The following PRIM2 variants were observed in gnomAD, a reference collection of about 807,000 sequenced individuals.
PRIM2 encodes the protein DNA primase large subunit.
In PRIM2, 39 loss-of-function variants were observed where a neutral mutation model predicts 67.3. The ratio of observed to expected loss-of-function variants is 0.58; its 90% CI spans 0.45 to 0.76. PRIM2 has a LOEUF of 0.76. PRIM2 is among the 30% of genes least tolerant of loss of function. The pLI, the probability that PRIM2 is intolerant of heterozygous loss-of-function variation, is 0.00. For missense variants in PRIM2, 398 were observed against 598.7 expected, an observed-to-expected ratio of 0.66 and a Z score of 3.50; for synonymous variants, 143 against 198.7, an observed-to-expected ratio of 0.72 and a Z score of 2.36.
intron 7 of PRIM2, among the ~76,000 whole-genome samples, chr6:57,421,088 A>C (rs1356441633): frequency 6.6e-6 from 1 of 152,174 alleles, no homozygotes; most frequent in Non-Finnish European, 1.5e-5. Flanking sequence ...ATGGAAGAGC[A>C]CTCAGAGAAG....
chr6:57,583,710 C>A (rs1776140072), intron 10 of PRIM2, among the ~76,000 whole-genome samples: 2 of 152,220 alleles, frequency 1.3e-5, no homozygotes, highest in African/African-American at 4.8e-5. Flanking sequence ...ATGGCTGGGT[C>A]AAATGGTATT....
intron 9 of PRIM2, among the ~76,000 whole-genome samples, chr6:57,534,424 C>T (rs1774957453): frequency 6.6e-6 from 1 of 152,090 alleles, no homozygotes. Context: ...ATAATTTATC[C>T]CCTATCCTGG....
At chr6:57,326,819 T>G (rs528444080) in intron 5 of PRIM2, among the ~76,000 whole-genome samples, 1 of 152,114 alleles carries the variant, frequency 6.6e-6, no homozygotes, top group African/African-American at 2.4e-5. Flanking sequence ...ATTTACATAT[T>G]GTAATTATAT....
intron 5 of PRIM2, among the ~76,000 whole-genome samples, chr6:57,331,592 T>A (rs1768060304): frequency 6.6e-6 from 1 of 152,240 alleles, no homozygotes; most frequent in South Asian, 2.1e-4. Context: ...TGAATCTATT[T>A]AAGTTTTATA....
the PRIM2 span, among the ~76,000 whole-genome samples, chr6:57,263,343 A>G: frequency 6.6e-6 from 1 of 152,184 alleles, no homozygotes; most frequent in African/African-American, 2.4e-5. Context: ...ACATTGATAG[A>G]GCCATCCTCT....
chr6:57,369,998 A>G (rs939449585), intron 5 of PRIM2, among the ~76,000 whole-genome samples: 3 of 152,228 alleles, frequency 2.0e-5, no homozygotes, highest in African/African-American at 7.2e-5. Context: ...TTTAATCCCA[A>G]GAAAAGCTAC....
chr6:57,285,574 G>A, the PRIM2 span, among the ~76,000 whole-genome samples: 16 of 152,046 alleles, frequency 1.1e-4, no homozygotes, highest in East Asian at 5.8e-4. Flanking sequence ...ATTCAACAAC[G>A]CTTTTTCCTA....
chr6:57,383,449 A>T (rs978660224), intron 7 of PRIM2: 1 of 152,090 alleles, frequency 6.6e-6, no homozygotes, highest in African/African-American at 2.4e-5. Flanking sequence ...TGGCATGTTA[A>T]TGCTACTATT....
intron 10 of PRIM2, among the ~76,000 whole-genome samples, chr6:57,568,748 G>A (rs1775798548): frequency 1.3e-5 from 2 of 152,190 alleles, no homozygotes; most frequent in African/African-American, 4.8e-5. Flanking sequence ...CTTAAAGGGG[G>A]TGTGCCTGTC....
At chr6:57,504,422 T>A (rs2127458731) in intron 7 of PRIM2, among the ~76,000 whole-genome samples, 2 of 152,298 alleles carry the variant, frequency 1.3e-5, no homozygotes, top group East Asian at 3.9e-4. Context: ...TAAGAGTTAG[T>A]TATCTGTTAA....
intron 7 of PRIM2, among the ~76,000 whole-genome samples, chr6:57,481,357 T>C (rs1256925342): frequency 6.6e-6 from 1 of 152,176 alleles, no homozygotes; most frequent in African/African-American, 2.4e-5. Flanking sequence ...ATACAGTATG[T>C]ACATTTTAAG....
At chr6:57,323,941 G>A (rs976361028) in intron 3 of PRIM2, among the ~76,000 whole-genome samples, 9 of 151,882 alleles carry the variant, frequency 5.9e-5, no homozygotes, top group South Asian at 4.2e-4. Flanking sequence ...AAAAATTAGC[G>A]GGGCATGGTG....
At chr6:57,538,773 C>G (rs1775071263) in intron 10 of PRIM2, among the ~76,000 whole-genome samples, 1 of 152,146 alleles carries the variant, frequency 6.6e-6, no homozygotes, top group Non-Finnish European at 1.5e-5. Context: ...TACATGTGGC[C>G]TTCTTCTTGC....
intron 13 of PRIM2, among the ~76,000 whole-genome samples, chr6:57,636,891 C>G (rs1246840093): frequency 6.6e-6 from 1 of 152,200 alleles, no homozygotes; most frequent in Non-Finnish European, 1.5e-5. Context: ...GATCTCCCAG[C>G]CTAGCATTCG....
chr6:57,462,705 T>C (rs1182628998), intron 7 of PRIM2, among the ~76,000 whole-genome samples: 2 of 152,216 alleles, frequency 1.3e-5, no homozygotes, highest in African/African-American at 4.8e-5. Flanking sequence ...CTCGACTGTG[T>C]CTTCTTTTTG....
chr6:57,453,461 T>C lies in PRIM2; in HGVS notation c.694-53926T>C, dbSNP rs1772633090. ...TTTGTTTGTATCCTCTTTTATTTCA[T>C]TGAGCAGCAGTTTGTAGTTCTCCTT... On this transcript the variant is annotated intron_variant, in intron 7 of 13. Transcript: ENST00000615550. Among the ~76,000 whole-genome samples the C allele has an allele frequency of 7.2e-5, 11 of 152,272 alleles. No individual in the cohort carries two copies. The South Asian group carries it at 2.3e-3, about 32-fold the overall frequency.
intron 7 of PRIM2, among the ~76,000 whole-genome samples, chr6:57,409,273 T>C (rs1276603008): frequency 6.6e-6 from 1 of 152,168 alleles, no homozygotes; most frequent in Non-Finnish European, 1.5e-5. Context: ...CCTCTCGGGT[T>C]CACGCCATTC....
intron 10 of PRIM2, among the ~76,000 whole-genome samples, chr6:57,559,221 T>C (rs1430071910): frequency 6.6e-6 from 1 of 152,152 alleles, no homozygotes; most frequent in Non-Finnish European, 1.5e-5. Flanking sequence ...TGTCATACAT[T>C]TTTTGAATAT....
At chr6:57,513,499 C>T (rs1275537984) in intron 8 of PRIM2, among the ~76,000 whole-genome samples, 3 of 151,858 alleles carry the variant, frequency 2.0e-5, no homozygotes, top group Non-Finnish European at 4.4e-5. Context: ...ATTTTTCCCC[C>T]TTAAAAATAA....
Sources: gnomAD v4.1 joint callset for allele counts (sites outside exome capture counted in the v4.1 genomes callset) on GRCh38, gnomAD v4.1.1 for gene constraint, MANE v1.5 for transcripts, NCBI Gene and HGNC (gene_info 2026-07-23, HGNC 2026-07-21) for gene names.